Variants in FRMD6 observed in about 807,000 individuals in gnomAD.
FRMD6 encodes FERM domain-containing protein 6.
FRMD6 carries 37 observed loss-of-function variants against 73.2 expected under a neutral mutation model. That is an observed-to-expected ratio of 0.51 (90% confidence interval 0.39 to 0.66). The LOEUF is 0.66. Among genes scored for constraint, FRMD6 ranks in the 30% least tolerant of loss-of-function variants. The pLI, the probability that FRMD6 is intolerant of heterozygous loss-of-function variation, is 0.00. For missense variants in FRMD6, 714 were observed against 780.5 expected (o/e 0.91, Z 1.02); for synonymous variants, 273 against 282.2 (o/e 0.97, Z 0.33).
intron 1 of FRMD6, among the ~76,000 whole-genome samples, chr14:51,569,507 C>CTT (rs34661155): frequency 0.12 from 14,280 of 122,386 alleles, 851 homozygotes; most frequent in Non-Finnish European, 0.15. Context: ...TTCTTTCTTT[C>CTT]TTTTTTTTTT....
the FRMD6 span, among the ~76,000 whole-genome samples, chr14:51,413,620 T>C: frequency 0.23 from 34,892 of 152,112 alleles, 4,541 homozygotes; most frequent in East Asian, 0.51. Context: ...AATAAACATA[T>C]GTGTGCATGT....
chr14:51,570,974 G>T (rs1888104325), intron 2 of FRMD6, among the ~76,000 whole-genome samples: 1 of 152,208 alleles, frequency 6.6e-6, no homozygotes, highest in Non-Finnish European at 1.5e-5. Flanking sequence ...CTAATGAAAT[G>T]ATTTATATCC....
chr14:51,421,792 C>A, the FRMD6 span, among the ~76,000 whole-genome samples: 1 of 152,208 alleles, frequency 6.6e-6, no homozygotes, highest in African/African-American at 2.4e-5. Flanking sequence ...GCACAGGAGA[C>A]CAGGTTTTAA....
the FRMD6 span, among the ~76,000 whole-genome samples, chr14:51,446,245 AC>A: frequency 6.6e-6 from 1 of 152,182 alleles, no homozygotes; most frequent in African/African-American, 2.4e-5. Context: ...GGTAGAAGGA[AC>A]CAGAGGAGTG....
the FRMD6 span, among the ~76,000 whole-genome samples, chr14:51,453,773 A>G: frequency 6.6e-6 from 1 of 152,208 alleles, no homozygotes; most frequent in East Asian, 1.9e-4. Flanking sequence ...TTAAAATACT[A>G]AAAGTATTGC....
At chr14:51,408,982 T>C in the FRMD6 span, among the ~76,000 whole-genome samples, 1 of 152,220 alleles carries the variant, frequency 6.6e-6, no homozygotes, top group Non-Finnish European at 1.5e-5. Flanking sequence ...CTAGGTAGCG[T>C]GAAGGTATAC....
intron 1 of FRMD6, among the ~76,000 whole-genome samples, chr14:51,680,744 C>G (rs1594721195): frequency 7.0e-6 from 1 of 143,472 alleles, no homozygotes; most frequent in Non-Finnish European, 1.5e-5. Context: ...GCTCAATAAA[C>G]GTTTATTATT....
At chr14:51,450,943 G>A in the FRMD6 span, among the ~76,000 whole-genome samples, 4 of 152,332 alleles carry the variant, frequency 2.6e-5, no homozygotes, top group South Asian at 6.2e-4. Context: ...GATCATCTGA[G>A]TGCACTGTGG....
intron 2 of FRMD6, among the ~76,000 whole-genome samples, chr14:51,606,643 G>T (rs890681432): frequency 1.9e-4 from 29 of 152,162 alleles, no homozygotes; most frequent in Non-Finnish European, 7.3e-5. Context: ...TATTAGTTGG[G>T]GTCCTCCAGA....
intron 2 of FRMD6, among the ~76,000 whole-genome samples, chr14:51,592,431 A>C (rs1262422955): frequency 6.6e-6 from 1 of 152,212 alleles, no homozygotes; most frequent in Non-Finnish European, 1.5e-5. Flanking sequence ...CCATCCCTGG[A>C]GCCCTGTACA....
intron 2 of FRMD6, among the ~76,000 whole-genome samples, chr14:51,695,056 G>A (rs1487314886): frequency 4.0e-5 from 6 of 151,742 alleles, no homozygotes; most frequent in East Asian, 3.9e-4. Flanking sequence ...AATATATAAC[G>A]TTATTTGGTC....
the FRMD6 span, chr14:51,436,681 G>C: frequency 5.7e-6 from 3 of 530,794 alleles, no homozygotes; most frequent in Middle Eastern, 1.2e-3. Context: ...GGGCTAATGA[G>C]TTAGGAGAGG....
the FRMD6 span, chr14:51,454,586 T>G: frequency 6.6e-6 from 1 of 152,240 alleles, no homozygotes; most frequent in Non-Finnish European, 1.5e-5. Context: ...TGCTTCCTGG[T>G]TTATGAGATG....
At chr14:51,515,321 C>T (rs539723209) in intron 1 of FRMD6, among the ~76,000 whole-genome samples, 2 of 152,392 alleles carry the variant, frequency 1.3e-5, no homozygotes, top group African/African-American at 4.8e-5. Flanking sequence ...ACCTGACTAT[C>T]TCTAACTAGT....
At chr14:51,494,431 T>A (rs1883181025) in intron 1 of FRMD6, among the ~76,000 whole-genome samples, 1 of 152,258 alleles carries the variant, frequency 6.6e-6, no homozygotes, top group Admixed American at 6.5e-5. Context: ...TAACTGGTTC[T>A]GAGCAAGTCC....
chr14:51,586,595 T>C (rs1239809535), intron 2 of FRMD6, among the ~76,000 whole-genome samples: 1 of 152,166 alleles, frequency 6.6e-6, no homozygotes, highest in Non-Finnish European at 1.5e-5. Context: ...CTCATTTGTC[T>C]ATTTTTGTTT....
rs1891305772 is a variant in FRMD6, at chr14:51,630,769, G to A, written c.-146-58922G>A. Among the ~76,000 whole-genome samples, 3 of 152,016 alleles carry A rather than the reference G, an allele frequency of 2.0e-5. No individual in the cohort carries two copies. The South Asian group carries it at 6.2e-4, about 32-fold the overall frequency. ...TCTAAAAAAATACATAAATAAATAA[G>A]CCTTAATGAGCAGGTGGAAGAAAGT... On this transcript the variant is annotated intron_variant, in intron 2 of 14. Coordinates refer to the FRMD6 transcript ENST00000356218.
the FRMD6 span, among the ~76,000 whole-genome samples, chr14:51,446,137 G>A: frequency 6.6e-6 from 1 of 152,172 alleles, no homozygotes; most frequent in South Asian, 2.1e-4. Context: ...GCCTAGCACT[G>A]TGCTGGAGTT....
intron 2 of FRMD6, among the ~76,000 whole-genome samples, chr14:51,572,366 T>A (rs1378188895): frequency 1.3e-5 from 2 of 152,250 alleles, no homozygotes; most frequent in African/African-American, 4.8e-5. Context: ...GAAGGAACTT[T>A]CCCTAATCTT....
Sources: allele counts gnomAD v4.1 joint callset (sites outside exome capture counted in the v4.1 genomes callset), GRCh38; gene constraint gnomAD v4.1.1; transcripts MANE v1.5; gene names NCBI Gene and HGNC (gene_info 2026-07-23, HGNC 2026-07-21).